Variants in CLOCK observed in about 807,000 individuals in gnomAD.
CLOCK encodes the protein clock circadian regulator.
In CLOCK, 43 loss-of-function variants were observed where a neutral mutation model predicts 118.4. The observed-to-expected ratio is 0.36, with a 90% confidence interval of 0.28 to 0.47. The LOEUF (loss-of-function observed/expected upper bound fraction) is 0.47, where lower values mean the gene tolerates loss of function less well. CLOCK is among the 20% of genes least tolerant of loss of function. The pLI, the probability that CLOCK is intolerant of heterozygous loss-of-function variation, is 1.00. For missense variants in CLOCK, 846 were observed against 999.9 expected (o/e 0.85, Z 2.08); for synonymous variants, 326 against 339.2 (o/e 0.96, Z 0.43).
intron 3 of CLOCK, among the ~76,000 whole-genome samples, chr4:55,488,220 T>C (rs546902551): frequency 1.3e-5 from 2 of 152,336 alleles, no homozygotes; most frequent in East Asian, 1.9e-4. Context: ...TCTCCTGCTT[T>C]TGTACTCATC....
intron 18 of CLOCK, among the ~76,000 whole-genome samples, chr4:55,446,463 G>A (rs1355524993): frequency 6.6e-6 from 1 of 152,018 alleles, no homozygotes; most frequent in Non-Finnish European, 1.5e-5. Context: ...CCCTCTATGT[G>A]TACATGAGTA....
At chr4:55,484,552 A>G (rs1727158938) in intron 3 of CLOCK, among the ~76,000 whole-genome samples, 1 of 152,200 alleles carries the variant, frequency 6.6e-6, no homozygotes, top group Non-Finnish European at 1.5e-5. Flanking sequence ...TCCAACAGAC[A>G]TATTTATCTT....
chr4:55,524,058 T>C (rs924372136), intron 1 of CLOCK, among the ~76,000 whole-genome samples: 1 of 152,162 alleles, frequency 6.6e-6, no homozygotes, highest in Non-Finnish European at 1.5e-5. Context: ...GAACACATCA[T>C]TTTAGCAAAA....
At chr4:55,476,415 A>G (rs546217906) in intron 6 of CLOCK, among the ~76,000 whole-genome samples, 75 of 152,034 alleles carry the variant, frequency 4.9e-4, no homozygotes, top group Non-Finnish European at 9.3e-4. Context: ...TTCCCTTGCC[A>G]TTCAAATAGC....
intron 2 of CLOCK, among the ~76,000 whole-genome samples, chr4:55,503,172 C>A (rs1031690417): frequency 1.3e-5 from 2 of 152,214 alleles, no homozygotes; most frequent in Non-Finnish European, 1.5e-5. Context: ...AATGTGTACA[C>A]ATGTGGACCA....
intron 1 of CLOCK, 167 bp downstream of exon 1, chr4:55,546,615 G>C (rs1426582871): frequency 1.3e-5 from 2 of 149,540 alleles, no homozygotes; most frequent in Non-Finnish European, 3.0e-5. Context: ...GGGGCTGTGA[G>C]TGGCGCCCCC....
chr4:55,438,196 T>C, intron 22 of CLOCK, 86 bp downstream of exon 22: 1 of 1,471,758 alleles, frequency 6.8e-7, no homozygotes, highest in Non-Finnish European at 9.5e-7. Context: ...ATTTTTCACA[T>C]CACTCACAAA....
At chr4:55,543,132 G>C (rs1204418080) in intron 1 of CLOCK, among the ~76,000 whole-genome samples, 3 of 152,136 alleles carry the variant, frequency 2.0e-5, no homozygotes, top group African/African-American at 7.2e-5. Context: ...TGCCCAGGCT[G>C]GTCCTGAAAT....
rs186762862 is a variant in CLOCK, at chr4:55,522,222, T to C, written c.-289-12157A>G. On this transcript the variant is annotated intron_variant, in intron 1 of 22. Coordinates refer to ENST00000513440, the MANE Select transcript of CLOCK (RefSeq NM_004898.4). ...TCTATAGAGGAGAAAATAACTTTCT[T>C]AAACTATCATAAACCTTAAAGGAAA... 3.8e-3 allele frequency among the ~76,000 whole-genome samples: 576 copies of C among 152,222 alleles called. 3 individuals carry two copies. Among genetic ancestry groups the C allele is most frequent in the African/African-American group, 0.013 (551 of 41,548 alleles).
At chr4:55,537,646 T>C (rs1227886175) in intron 1 of CLOCK, among the ~76,000 whole-genome samples, 2 of 151,780 alleles carry the variant, frequency 1.3e-5, no homozygotes, top group Non-Finnish European at 2.9e-5. Context: ...AATAAAAAAT[T>C]AGCCAGGCAT....
chr4:55,452,561 T>C (rs1170305290), intron 15 of CLOCK: 1 of 156,922 alleles, frequency 6.4e-6, no homozygotes, highest in African/African-American at 2.4e-5. Flanking sequence ...TATCACTAAA[T>C]TTTGGAGTAA....
chr4:55,503,520 G>GGT (rs1728569035), intron 2 of CLOCK, among the ~76,000 whole-genome samples: 1 of 151,950 alleles, frequency 6.6e-6, no homozygotes, highest in Admixed American at 6.6e-5. Context: ...TAGTTAAATG[G>GGT]GTGTTGACTT....
intron 1 of CLOCK, among the ~76,000 whole-genome samples, chr4:55,544,682 G>A (rs1731493583): frequency 6.6e-6 from 1 of 152,128 alleles, no homozygotes; most frequent in African/African-American, 2.4e-5. Flanking sequence ...ATTTGGGGGA[G>A]GAGGATTTTT....
chr4:55,437,714 G>A (rs950558955), intron 22 of CLOCK, among the ~76,000 whole-genome samples: 1 of 152,248 alleles, frequency 6.6e-6, no homozygotes, highest in Non-Finnish European at 1.5e-5. Context: ...CAAAGGTCAC[G>A]CAGTACGTGG....
intron 1 of CLOCK, among the ~76,000 whole-genome samples, chr4:55,528,810 G>T (rs1349239332): frequency 1.3e-5 from 2 of 152,146 alleles, no homozygotes; most frequent in African/African-American, 4.8e-5. Context: ...TTAACAAACT[G>T]AACAGAAAGA....
chr4:55,508,909 A>C (rs185398167), intron 2 of CLOCK, among the ~76,000 whole-genome samples: 10 of 152,250 alleles, frequency 6.6e-5, no homozygotes, highest in Admixed American at 2.6e-4. Flanking sequence ...ACATTTTGAG[A>C]AATGCACAGG....
chr4:55,500,113 G>A (rs1358203355), intron 2 of CLOCK, among the ~76,000 whole-genome samples: 1 of 152,024 alleles, frequency 6.6e-6, no homozygotes, highest in Admixed American at 6.5e-5. Flanking sequence ...GGTTTCTCTT[G>A]GAGTTTTTGC....
At chr4:55,475,838 T>C (rs762008236) in intron 7 of CLOCK, 125 bp downstream of exon 7, 35 of 682,884 alleles carry the variant, frequency 5.1e-5, no homozygotes, top group Non-Finnish European at 8.8e-5. Context: ...TACTGAAATA[T>C]TAGCTTTATT....
At position 55,428,640 on chromosome 4, in the gene CLOCK, T is replaced by G. The variant is rs548775205; in HGVS notation, c.*6775A>C. ...GTAAAAATGATGAGCTACATCTACTTTTTAATTTAAAACCAAGAACCAAGC... is the reference window on the plus strand; with the variant it reads ...GTAAAAATGATGAGCTACATCTACTGTTTAATTTAAAACCAAGAACCAAGC... On this transcript the variant is annotated 3_prime_UTR_variant, in exon 23 of 23. Transcript: ENST00000513440. 3 of 152,298 alleles carry G rather than the reference T, an allele frequency of 2.0e-5. No individual in the cohort carries two copies. In the East Asian group the frequency reaches 5.8e-4, roughly 29 times the overall value. 9.4% of individuals were successfully genotyped at this position (152,298 alleles called of 1,614,324 possible).
Sources: gnomAD v4.1 joint callset for allele counts (sites outside exome capture counted in the v4.1 genomes callset) on GRCh38, gnomAD v4.1.1 for gene constraint, MANE v1.5 for transcripts, NCBI Gene and HGNC (gene_info 2026-07-23, HGNC 2026-07-21) for gene names.